Variants in MOSPD2 observed in about 807,000 individuals in gnomAD.
MOSPD2 encodes the protein motile sperm domain containing 2, also known as motile sperm domain-containing protein 2.
A neutral mutation model predicts 41.7 loss-of-function variants in MOSPD2; 5 were observed. The ratio of observed to expected loss-of-function variants is 0.12; its 90% CI spans 0.06 to 0.25. The LOEUF (loss-of-function observed/expected upper bound fraction) is 0.25, where lower values mean the gene tolerates loss of function less well. MOSPD2 is among the 10% of genes least tolerant of loss of function. MOSPD2 has a pLI of 1.00. For synonymous variants in MOSPD2, 115 were observed against 126.9 expected, an observed-to-expected ratio of 0.91 and a Z score of 0.63; for missense variants, 282 against 375.2, an observed-to-expected ratio of 0.75 and a Z score of 2.05.
intron 7 of MOSPD2, among the ~76,000 whole-genome samples, chrX:14,904,873 G>C (rs747059451): frequency 3.6e-5 from 4 of 111,288 alleles, no homozygotes; most frequent in Non-Finnish European, 1.9e-5. Flanking sequence ...CTCCCCCAAG[G>C]TCTACTGATA....
At chrX:14,880,135 C>T (rs2147478228) in intron 2 of MOSPD2, among the ~76,000 whole-genome samples, 1 of 110,201 alleles carries the variant, frequency 9.1e-6, no homozygotes, top group South Asian at 3.8e-4. Flanking sequence ...TCTTTTTATC[C>T]AAGAACCTGG....
In MOSPD2 at chrX:14,918,764, T is replaced by C. The variant is rs2147506026; in HGVS notation, c.1401T>C (p.Ser467=). 1 of 1,159,788 alleles carries C rather than the reference T, an allele frequency of 8.6e-7. No homozygotes were observed. Among genetic ancestry groups the C allele is most frequent in the African/African-American group, 1.8e-5 (1 of 56,912 alleles). Residue 467 remains serine (S), a synonymous_variant, in exon 14 of 15, where the codon AGT becomes AGC. Coordinates refer to ENST00000380492, the MANE Select transcript of MOSPD2 (RefSeq NM_152581.4). The part of the protein sequence containing the change: ...DNAFNMSDKT[S]EDICLQLSRL... Reference sequence around the variant, plus strand: ...CTTTCAATATGTCAGATAAAACCAGTGAAGATATATGTCTACAAGTAAGTA... The same window carrying C: ...CTTTCAATATGTCAGATAAAACCAGCGAAGATATATGTCTACAAGTAAGTA...
chrX:14,911,302 T>C lies in MOSPD2; in HGVS notation c.768T>C (p.Asn256=). The part of the protein sequence containing the change: ...DDDFQTPLCE[N]GPITSEDETS... ...ACTTCCAGACCCCACTGTGTGAGAATGGGCCTATTACCAGTGAGGATGAAA... is the reference window on the plus strand; with the variant it reads ...ACTTCCAGACCCCACTGTGTGAGAACGGGCCTATTACCAGTGAGGATGAAA... Residue 256 remains asparagine (N), a synonymous_variant, in exon 9 of 15, where the codon AAT becomes AAC. Transcript: ENST00000380492. 8.3e-7 allele frequency: 1 copy of C among 1,203,646 alleles called. No individual in the cohort carries two copies. The highest frequency in any genetic ancestry group is 1.1e-6 in the Non-Finnish European group (1 of 889,130).
At position 14,883,229 on chromosome X, in the gene MOSPD2, A is replaced by C. The variant is rs138936389; in HGVS notation, c.79+9471A>C. Among the ~76,000 whole-genome samples, 745 of 111,201 alleles carry C rather than the reference A, an allele frequency of 6.7e-3. 12 individuals carry two copies. Among genetic ancestry groups the C allele is most frequent in the African/African-American group, 0.024 (720 of 30,599 alleles). On this transcript the variant is annotated intron_variant, in intron 2 of 14. Transcript: ENST00000380492. The stretch of plus-strand genomic sequence containing the variant: ...AAGAGTCTGTTACTAGAATACTGTC[A>C]TTTCTAAGATGTGAATTTGTTTTTA...
At chrX:14,919,642 T>A in intron 14 of MOSPD2, 30 bp from the exon 15 acceptor site, 2 of 1,081,202 alleles carry the variant, frequency 1.8e-6, no homozygotes, top group Non-Finnish European at 2.5e-6. Flanking sequence ...TTTATTGATA[T>A]AAATCTTTCA....
intron 8 of MOSPD2, among the ~76,000 whole-genome samples, chrX:14,910,213 A>G (rs771903604): frequency 8.1e-5 from 9 of 110,794 alleles, no homozygotes; most frequent in Admixed American, 7.8e-4. Context: ...CAGAGATTGA[A>G]AAGTATAACA....
intron 2 of MOSPD2, among the ~76,000 whole-genome samples, chrX:14,878,857 G>A (rs913813251): frequency 4.5e-5 from 5 of 111,601 alleles, no homozygotes; most frequent in Non-Finnish European, 9.4e-5. Flanking sequence ...TATAAAACGT[G>A]AATAAAATAA....
intron 2 of MOSPD2, among the ~76,000 whole-genome samples, chrX:14,887,373 G>A (rs1332826265): frequency 8.9e-6 from 1 of 111,831 alleles, no homozygotes; most frequent in Admixed American, 9.5e-5. Flanking sequence ...AAAGTCATTT[G>A]TATAGTGTTT....
At chrX:14,909,535 G>T (rs1308892137) in intron 8 of MOSPD2, among the ~76,000 whole-genome samples, 1 of 111,192 alleles carries the variant, frequency 9.0e-6, no homozygotes, top group Non-Finnish European at 1.9e-5. Context: ...TGTCTTTAGT[G>T]TGCTTCCAAT....
At chrX:14,874,711 T>A (rs1230709434) in intron 2 of MOSPD2, among the ~76,000 whole-genome samples, 1 of 111,905 alleles carries the variant, frequency 8.9e-6, no homozygotes, top group Non-Finnish European at 1.9e-5. Context: ...CCTGCAACTT[T>A]AAACCATCCT....
intron 5 of MOSPD2, among the ~76,000 whole-genome samples, chrX:14,899,722 C>T (rs1292484336): frequency 9.1e-6 from 1 of 109,823 alleles, no homozygotes; most frequent in Non-Finnish European, 1.9e-5. Flanking sequence ...AATTTATAGA[C>T]ACTTATCTCT....
At position 14,876,855 on chromosome X, in the gene MOSPD2, TA is replaced by T. The variant is rs1156381635; in HGVS notation, c.79+3101del. Among the ~76,000 whole-genome samples, 2 of 112,024 alleles carry T rather than the reference TA, an allele frequency of 1.8e-5. 1 individual carries two copies. The highest frequency in any genetic ancestry group is 5.6e-4 in the East Asian group (2 of 3,595). Reference sequence around the variant, plus strand: ...GGTAATGGTGCTGAAATATTTTCTGTAAAAGTCAAAGAGAGAAATAACATCT... The same window carrying T: ...GGTAATGGTGCTGAAATATTTTCTGTAAAGTCAAAGAGAGAAATAACATCT... On this transcript the variant is annotated intron_variant, in intron 2 of 14. Transcript: ENST00000380492.
chrX:14,922,121 T>C lies in MOSPD2; in HGVS notation c.*2312T>C, dbSNP rs1238979250. ...GACTGGATTTAATAGCACTTTATTGTACAACTACAAAAAAAAATATATTCC... is the reference window on the plus strand; with the variant it reads ...GACTGGATTTAATAGCACTTTATTGCACAACTACAAAAAAAAATATATTCC... On this transcript the variant is annotated 3_prime_UTR_variant, in exon 15 of 15. Transcript: ENST00000380492. The C allele has an allele frequency of 2.7e-5, 3 of 111,431 alleles. No individual in the cohort carries two copies. The highest frequency in any genetic ancestry group is 3.8e-5 in the Non-Finnish European group (2 of 53,109). 9.2% of individuals were successfully genotyped at this position (111,431 alleles called of 1,213,427 possible).
At chrX:14,884,978 A>T (rs1209560050) in intron 2 of MOSPD2, among the ~76,000 whole-genome samples, 1 of 111,467 alleles carries the variant, frequency 9.0e-6, no homozygotes, top group Non-Finnish European at 1.9e-5. Context: ...AAATCTACAA[A>T]CATGTTGAAT....
intron 6 of MOSPD2, among the ~76,000 whole-genome samples, chrX:14,900,855 C>A (rs2092571843): frequency 9.0e-6 from 1 of 111,333 alleles, no homozygotes; most frequent in Admixed American, 9.6e-5. Context: ...AGTTTAAGTT[C>A]TAAACTATAT....
chrX:14,875,856 T>C lies in MOSPD2; in HGVS notation c.79+2098T>C, dbSNP rs186816550. Among the ~76,000 whole-genome samples the C allele has an allele frequency of 3.5e-3, 392 of 112,045 alleles. 2 individuals carry two copies. Among genetic ancestry groups the C allele is most frequent in the African/African-American group, 0.012 (382 of 30,824 alleles). ...TATTTTCTCTGCTTTACAGCCCTTATCGTAATCTGTAATTATCTTGTTCAT... is the reference window on the plus strand; with the variant it reads ...TATTTTCTCTGCTTTACAGCCCTTACCGTAATCTGTAATTATCTTGTTCAT... On this transcript the variant is annotated intron_variant, in intron 2 of 14. Transcript: ENST00000380492.
Position 14,892,767 on chromosome X carries a change from C to G in MOSPD2, c.124C>G (p.Gln42Glu). 2 of 1,202,802 alleles carry G rather than the reference C, an allele frequency of 1.7e-6. 1 individual carries two copies. The highest frequency in any genetic ancestry group is 3.5e-5 in the South Asian group (2 of 56,577). The change falls in exon 3 of 15, where the codon CAA becomes GAA. Residue 42 changes from glutamine to glutamate, a missense_variant. This residue lies in a region of MOSPD2 where 187 missense variants were observed against 256.6 expected (regional missense o/e 0.73). Transcript: ENST00000380492. ...YDARDVERLQ[Q>E]DDNWVESYLS... ...TGCACGTGATGTTGAAAGGCTACAA[C>G]AAGATGATAACTGGGTTGAAAGTTA...
At position 14,911,321 on chromosome X, in the gene MOSPD2, G is replaced by T; in HGVS notation, c.787G>T (p.Asp263Tyr). 8.3e-7 allele frequency: 1 copy of T among 1,203,224 alleles called. No individual in the cohort carries two copies. The highest frequency in any genetic ancestry group is 1.1e-6 in the Non-Finnish European group (1 of 888,951). ...LCENGPITSE[D>Y]ETSSKEDIES... is the part of the protein sequence containing the mutation. ...TGAGAATGGGCCTATTACCAGTGAG[G>T]ATGAAACTTCAAGTAAAGAAGACAT... is the stretch of plus-strand genomic sequence containing the variant. The change falls in exon 9 of 15, where the codon GAT becomes TAT. Residue 263 changes from aspartate to tyrosine, a missense_variant. Transcript: ENST00000380492.
chrX:14,878,477 A>AT (rs904777418), intron 2 of MOSPD2, among the ~76,000 whole-genome samples: 3 of 109,235 alleles, frequency 2.7e-5, no homozygotes, highest in African/African-American at 1.1e-4. Flanking sequence ...TAGTTTAAAC[A>AT]TTTTTTTATT....
Sources: allele counts gnomAD v4.1 joint callset (sites outside exome capture counted in the v4.1 genomes callset), GRCh38; gene constraint gnomAD v4.1.1; regional missense constraint gnomAD v4.1.1; transcripts MANE v1.5; gene names NCBI Gene and HGNC (gene_info 2026-07-23, HGNC 2026-07-21).